The following MS4A4A variants were observed in gnomAD, a reference collection of about 807,000 sequenced individuals.
MS4A4A encodes the protein membrane spanning 4-domains A4A, also known as membrane-spanning 4-domains subfamily A member 4A.
MS4A4A carries 26 observed loss-of-function variants against 28.0 expected under a neutral mutation model. The observed-to-expected ratio is 0.93, with a 90% CI of 0.68 to 1.29. The LOEUF is 1.29. MS4A4A is among the 50% of genes most tolerant of loss of function. The pLI, the probability that MS4A4A is intolerant of heterozygous loss-of-function variation, is 0.00. For synonymous variants in MS4A4A, 86 were observed against 100.8 expected, an observed-to-expected ratio of 0.85 and a Z score of 0.88; for missense variants, 290 against 293.1, an observed-to-expected ratio of 0.99 and a Z score of 0.08.
intron 3 of MS4A4A, among the ~76,000 whole-genome samples, chr11:60,298,144 A>T (rs1324235417): frequency 1.3e-5 from 2 of 152,012 alleles, no homozygotes; most frequent in Non-Finnish European, 2.9e-5. Flanking sequence ...GATAGTTTTA[A>T]TGCAAATTGA....
chr11:60,284,869 A>C (rs897745712), intron 1 of MS4A4A, among the ~76,000 whole-genome samples: 3 of 152,196 alleles, frequency 2.0e-5, no homozygotes, highest in Non-Finnish European at 4.4e-5. Flanking sequence ...TTTGTTAAAC[A>C]TCAGAGAACT....
intron 2 of MS4A4A, among the ~76,000 whole-genome samples, chr11:60,294,792 A>G (rs2084887906): frequency 6.6e-6 from 1 of 151,510 alleles, no homozygotes. Context: ...ACTCTATTCC[A>G]TTATCTATTT....
intron 5 of MS4A4A, among the ~76,000 whole-genome samples, chr11:60,304,265 A>G (rs1357238746): frequency 6.6e-6 from 1 of 152,232 alleles, no homozygotes; most frequent in East Asian, 1.9e-4. Context: ...GAATTGGCCA[A>G]CTTGATAGGG....
chr11:60,290,350 C>A (rs1257324784), intron 1 of MS4A4A: 1 of 153,284 alleles, frequency 6.5e-6, no homozygotes, highest in Non-Finnish European at 1.5e-5. Flanking sequence ...TACACTTCTC[C>A]CCAAATTTAT....
chr11:60,292,850 G>C (rs2084870001), intron 2 of MS4A4A, among the ~76,000 whole-genome samples: 1 of 152,016 alleles, frequency 6.6e-6, no homozygotes, highest in African/African-American at 2.4e-5. Flanking sequence ...AGAAATGAAG[G>C]ATTAAAAGAA....
intron 1 of MS4A4A, among the ~76,000 whole-genome samples, chr11:60,286,269 C>T (rs1293708628): frequency 6.6e-6 from 1 of 152,134 alleles, no homozygotes; most frequent in Non-Finnish European, 1.5e-5. Flanking sequence ...ACAATTTGTG[C>T]AGTTAACGCA....
At chr11:60,282,324 C>T (rs1055175774) in intron 1 of MS4A4A, among the ~76,000 whole-genome samples, 5 of 152,134 alleles carry the variant, frequency 3.3e-5, no homozygotes, top group Admixed American at 6.6e-5. Context: ...GGCAGAGGTT[C>T]TTTTACATTA....
chr11:60,295,359 A>C (rs759784811), intron 2 of MS4A4A, among the ~76,000 whole-genome samples: 8 of 152,054 alleles, frequency 5.3e-5, no homozygotes, highest in Non-Finnish European at 8.8e-5. Flanking sequence ...TGTAAACCTA[A>C]TATAATTGTT....
chr11:60,281,495 TAGCCCGGG>T (rs2084755132), intron 1 of MS4A4A, among the ~76,000 whole-genome samples: 1 of 152,196 alleles, frequency 6.6e-6, no homozygotes, highest in Non-Finnish European at 1.5e-5. Flanking sequence ...TCTTGGTTCC[TAGCCCGGG>T]CCTTTCCCCC....
At chr11:60,286,153 C>T (rs963935033) in intron 1 of MS4A4A, among the ~76,000 whole-genome samples, 1 of 152,202 alleles carries the variant, frequency 6.6e-6, no homozygotes, top group Non-Finnish European at 1.5e-5. Context: ...CCCGGCCCCG[C>T]AGGCAGTCAG....
In MS4A4A at chr11:60,306,085, T is replaced by G. The variant is rs1565149652; in HGVS notation, c.547-15T>G. 1 of 1,573,698 alleles carries G rather than the reference T, an allele frequency of 6.4e-7. No homozygotes were observed. Among genetic ancestry groups the G allele is most frequent in the Admixed American group, 1.7e-5 (1 of 57,636 alleles). ...CTCCATTTCTCACATTCCTTTGTTA[T>G]GAGTTTTCTCCTAGGGTCTGGATGG... On this transcript the variant is annotated splice_polypyrimidine_tract_variant and intron_variant, in intron 5 of 6. Transcript: ENST00000337908.
chr11:60,292,391 T>G lies in MS4A4A; in HGVS notation c.201+7T>G, dbSNP rs369033125. On this transcript the variant is annotated splice_region_variant and intron_variant, in intron 2 of 6. Coordinates refer to ENST00000337908, the MANE Select transcript of MS4A4A (RefSeq NM_148975.3). ...AGAACCCAAAGTCCTTGGGGTAAGT[T>G]GCAAATCTAGGGGAAGACCAATGGT... The G allele has an allele frequency of 3.3e-5, 53 of 1,585,282 alleles. No individual in the cohort carries two copies. Among genetic ancestry groups the G allele is most frequent in the Non-Finnish European group, 4.2e-5 (49 of 1,168,372 alleles).
intron 2 of MS4A4A, among the ~76,000 whole-genome samples, chr11:60,293,083 A>G (rs2084872059): frequency 6.6e-6 from 1 of 152,066 alleles, no homozygotes; most frequent in Non-Finnish European, 1.5e-5. Flanking sequence ...TTTGAGATGG[A>G]GTCTCGCTCC....
At chr11:60,284,591 T>C (rs1290648084) in intron 1 of MS4A4A, among the ~76,000 whole-genome samples, 1 of 151,730 alleles carries the variant, frequency 6.6e-6, no homozygotes, top group African/African-American at 2.4e-5. Context: ...GTCAGGATTG[T>C]CCTCCTTTTT....
At chr11:60,307,019 G>T (rs1330134498) in intron 6 of MS4A4A, among the ~76,000 whole-genome samples, 1 of 152,172 alleles carries the variant, frequency 6.6e-6, no homozygotes, top group Non-Finnish European at 1.5e-5. Flanking sequence ...GGAAAGAAGA[G>T]ACCAAGAAAG....
intron 5 of MS4A4A, among the ~76,000 whole-genome samples, chr11:60,305,202 G>A (rs1237771689): frequency 1.3e-5 from 2 of 152,208 alleles, no homozygotes; most frequent in African/African-American, 4.8e-5. Context: ...CCAGTGCTCT[G>A]GGCAGATGGA....
intron 2 of MS4A4A, among the ~76,000 whole-genome samples, chr11:60,292,985 G>C (rs541042808): frequency 1.3e-5 from 2 of 152,166 alleles, no homozygotes; most frequent in Admixed American, 6.5e-5. Context: ...TTTTCTGGAG[G>C]GGGGGAAATA....
At chr11:60,292,720 G>A (rs973954515) in intron 2 of MS4A4A, among the ~76,000 whole-genome samples, 1 of 152,160 alleles carries the variant, frequency 6.6e-6, no homozygotes, top group Non-Finnish European at 1.5e-5. Context: ...CTTCCTGATA[G>A]CTGACAGGCA....
At chr11:60,299,856 C>A (rs907913868) in intron 3 of MS4A4A, among the ~76,000 whole-genome samples, 1 of 151,996 alleles carries the variant, frequency 6.6e-6, no homozygotes, top group African/African-American at 2.4e-5. Context: ...ACATGAATAG[C>A]AATAAGCATG....
Sources: gnomAD v4.1 joint callset for allele counts (sites outside exome capture counted in the v4.1 genomes callset) on GRCh38, gnomAD v4.1.1 for gene constraint, MANE v1.5 for transcripts, NCBI Gene and HGNC (gene_info 2026-07-23, HGNC 2026-07-21) for gene names.